RYR2: variants seen among roughly 807,000 people sequenced by gnomAD.
The protein encoded by RYR2 is cardiac muscle ryanodine receptor-calcium release channel.
In RYR2, 227 loss-of-function variants were observed where a neutral mutation model predicts 601.1. The observed-to-expected ratio is 0.38, with a 90% CI of 0.34 to 0.42. RYR2 has a LOEUF of 0.42. Among genes scored for constraint, RYR2 ranks in the 10% least tolerant of loss-of-function variants. The pLI is 1.00. For missense variants in RYR2, 4,646 were observed against 6,156.5 expected (o/e 0.75, Z 8.21); for synonymous variants, 2,223 against 2,175.1 (o/e 1.02, Z -0.61).
At chr1:237,455,437 G>A (rs924232418) in intron 15 of RYR2, among the ~76,000 whole-genome samples, 1 of 151,996 alleles carries the variant, frequency 6.6e-6, no homozygotes, top group Non-Finnish European at 1.5e-5. Flanking sequence ...GGTGGGAGGA[G>A]GGCAAGGGTC....
intron 2 of RYR2, among the ~76,000 whole-genome samples, chr1:237,301,569 CTTTAAGATAT>C: frequency 6.6e-6 from 1 of 152,252 alleles, no homozygotes; most frequent in Admixed American, 6.5e-5. Context: ...AAATTTTCTT[CTTTAAGATAT>C]TTCTCCTAAA....
chr1:237,686,521 G>A (rs1161724620), intron 62 of RYR2, among the ~76,000 whole-genome samples: 1 of 152,120 alleles, frequency 6.6e-6, no homozygotes, highest in Non-Finnish European at 1.5e-5. Context: ...GCTGAGTTTT[G>A]AGGGACGAGT....
intron 84 of RYR2, 39 bp downstream of exon 84, chr1:237,761,067 T>A: frequency 8.4e-7 from 1 of 1,191,028 alleles, no homozygotes; most frequent in Non-Finnish European, 1.2e-6. Context: ...CCTGTCTCCC[T>A]TCCCTCCCTG....
intron 1 of RYR2, among the ~76,000 whole-genome samples, chr1:237,072,823 C>T (rs1310770242): frequency 6.6e-6 from 1 of 151,822 alleles, no homozygotes; most frequent in Non-Finnish European, 1.5e-5. Context: ...TGGCAGTCAC[C>T]TGTAATCCCA....
intron 1 of RYR2, among the ~76,000 whole-genome samples, chr1:237,139,174 A>G (rs778315492): frequency 3.9e-5 from 6 of 152,246 alleles, no homozygotes; most frequent in Non-Finnish European, 7.4e-5. Flanking sequence ...CTGTATCCAT[A>G]CAATGGAATG....
At chr1:237,807,997 A>G (rs1660830060) in intron 99 of RYR2, among the ~76,000 whole-genome samples, 1 of 152,194 alleles carries the variant, frequency 6.6e-6, no homozygotes, top group South Asian at 2.1e-4. Flanking sequence ...ATACTCTACA[A>G]TTCTATCATA....
intron 22 of RYR2, among the ~76,000 whole-genome samples, chr1:237,504,149 T>C (rs1019724471): frequency 3.3e-5 from 5 of 152,240 alleles, no homozygotes; most frequent in African/African-American, 1.2e-4. Context: ...ACTTAGTTTA[T>C]AAAGTGCATA....
At chr1:237,763,348 C>G (rs1013135482) in intron 84 of RYR2, among the ~76,000 whole-genome samples, 1 of 152,130 alleles carries the variant, frequency 6.6e-6, no homozygotes, top group Non-Finnish European at 1.5e-5. Context: ...CACGGGAAAT[C>G]GGTGACAGAT....
At chr1:237,598,492 A>G (rs529516128) in intron 34 of RYR2, among the ~76,000 whole-genome samples, 155 of 152,368 alleles carry the variant, frequency 1.0e-3, no homozygotes, top group Non-Finnish European at 1.7e-3. Flanking sequence ...AAAACTAGAA[A>G]TCAATACTGA....
At chr1:237,256,110 A>T (rs989015698) in intron 1 of RYR2, among the ~76,000 whole-genome samples, 1 of 152,102 alleles carries the variant, frequency 6.6e-6, no homozygotes, top group Admixed American at 6.5e-5. Flanking sequence ...TAATTGAATC[A>T]TAGGGGCAGT....
intron 16 of RYR2, among the ~76,000 whole-genome samples, chr1:237,463,466 G>T (rs946405111): frequency 6.6e-6 from 1 of 151,958 alleles, no homozygotes. Flanking sequence ...AAGCCTCCGG[G>T]GATAGGATGA....
intron 27 of RYR2, among the ~76,000 whole-genome samples, chr1:237,558,264 A>G (rs1224305991): frequency 6.6e-6 from 1 of 152,216 alleles, no homozygotes; most frequent in Non-Finnish European, 1.5e-5. Context: ...AGTCTACTGT[A>G]TAATTATTGT....
chr1:237,646,349 A>ATT (rs903463174), intron 48 of RYR2, among the ~76,000 whole-genome samples: 2 of 149,072 alleles, frequency 1.3e-5, no homozygotes, highest in African/African-American at 2.5e-5. Flanking sequence ...TCAAAAAAAA[A>ATT]TTTTTTTTTT....
intron 97 of RYR2, among the ~76,000 whole-genome samples, chr1:237,800,541 C>G (rs1348437369): frequency 2.6e-5 from 4 of 151,962 alleles, no homozygotes; most frequent in African/African-American, 9.7e-5. Flanking sequence ...AAGAAAGATT[C>G]GCTTAATTAA....
Position 237,614,293 on chromosome 1 carries a change from A to G in RYR2, c.5165A>G (p.Asn1722Ser). Residue 1722 changes from asparagine to serine, a missense_variant, in exon 37 of 105, where the codon AAC becomes AGC. By Grantham distance (46) the Asn-to-Ser change is conservative. Coordinates refer to ENST00000366574, the MANE Select transcript of RYR2 (RefSeq NM_001035.3). The surrounding 1 kb of genome is among the most constrained non-coding windows in gnomAD (Gnocchi z 4.3). The part of the protein sequence containing the change: ...SSYATARLMM[N>S]NEYIVPMTEE... ...TATGCCACTGCCAGGCTCATGATGA[A>G]CAACGAGTACATTGTCCCCATGACG... is the stretch of plus-strand genomic sequence containing the variant. 1 of 1,614,024 alleles carries G rather than the reference A, an allele frequency of 6.2e-7. No individual in the cohort carries two copies.
intron 24 of RYR2, among the ~76,000 whole-genome samples, chr1:237,513,813 T>A (rs1202090737): frequency 6.6e-6 from 1 of 152,228 alleles, no homozygotes; most frequent in African/African-American, 2.4e-5. Context: ...AATGTTCACA[T>A]AATGATGAAA....
chr1:237,793,188 A>G (rs1176047777), intron 94 of RYR2, among the ~76,000 whole-genome samples: 1 of 152,230 alleles, frequency 6.6e-6, no homozygotes, highest in Non-Finnish European at 1.5e-5. Context: ...AAAGACTAGA[A>G]TGTAAAGAGT....
At chr1:237,626,596 T>TTTTTTTTTTTTTTTTTTTTTTTTCTTTG (rs1679696754) in intron 40 of RYR2, among the ~76,000 whole-genome samples, 1 of 130,086 alleles carries the variant, frequency 7.7e-6, no homozygotes, top group Non-Finnish European at 1.6e-5. Flanking sequence ...TTTTTTTTTT[T>TTTTTTTTTTTTTTTTTTTTTTTTCTTTG]TTTTTTTTTT....
At chr1:237,822,553 C>G (rs1357002267) in intron 101 of RYR2, among the ~76,000 whole-genome samples, 1 of 152,226 alleles carries the variant, frequency 6.6e-6, no homozygotes, top group South Asian at 2.1e-4. Context: ...AAGGAACAAC[C>G]GGTACCAGCC....
Sources: gnomAD v4.1 joint callset for allele counts (sites outside exome capture counted in the v4.1 genomes callset) on GRCh38, gnomAD v4.1.1 for gene constraint, Gnocchi (gnomAD v3.1) non-coding constraint, MANE v1.5 for transcripts, NCBI Gene and HGNC (gene_info 2026-07-23, HGNC 2026-07-21) for gene names.